Variants in FBXL20 observed in about 807,000 individuals in gnomAD.
FBXL20 encodes the protein F-box and leucine rich repeat protein 20.
Under a neutral mutation model 64.0 loss-of-function variants are expected in FBXL20, and 11 were observed. That is an observed-to-expected ratio of 0.17 (90% confidence interval 0.11 to 0.28). The LOEUF is 0.28. Among genes scored for constraint, FBXL20 ranks in the 10% least tolerant of loss-of-function variants. The pLI is 1.00. For synonymous variants in FBXL20, 184 were observed against 189.0 expected (o/e 0.97, Z 0.22); for missense variants, 303 against 526.2 (o/e 0.58, Z 4.15).
At chr17:39,314,173 T>C (rs915347368) in intron 2 of FBXL20, among the ~76,000 whole-genome samples, 5 of 152,168 alleles carry the variant, frequency 3.3e-5, no homozygotes, top group Non-Finnish European at 5.9e-5. Flanking sequence ...TTCATATAAA[T>C]GGAATAATAC....
upstream of FBXL20, chr17:39,401,838 G>A: frequency 2.1e-6 from 1 of 484,662 alleles, no homozygotes; most frequent in Non-Finnish European, 2.9e-6. Flanking sequence ...GCGGCGGCAC[G>A]ACCCCCTGCG....
chr17:39,265,408 G>C lies in FBXL20; in HGVS notation c.979C>G (p.Leu327Val). ...AAAGTTAAACTCACCAATACTTGAA[G>C]TCGAGGACAGTGTATAGAAAGTTGG... ...LIQLSIHCPR[L>V]QVLSLSHCEL... The change falls in exon 13 of 15, where the codon CTT (leucine) becomes GTT (valine). Residue 327 changes from leucine (L) to valine (V), a missense_variant. Coordinates refer to ENST00000264658, the MANE Select transcript of FBXL20 (RefSeq NM_032875.3). The C allele has an allele frequency of 6.2e-7, 1 of 1,610,688 alleles. No individual in the cohort carries two copies. Among genetic ancestry groups the C allele is most frequent in the Non-Finnish European group, 8.5e-7 (1 of 1,177,452 alleles).
intron 1 of FBXL20, among the ~76,000 whole-genome samples, chr17:39,345,560 T>A (rs1567890055): frequency 6.6e-6 from 1 of 151,952 alleles, no homozygotes; most frequent in East Asian, 1.9e-4. Flanking sequence ...ATTTTTTTTT[T>A]GAGAGAGTTT....
At chr17:39,346,230 T>TGG (rs556076842) in intron 1 of FBXL20, among the ~76,000 whole-genome samples, 1 of 146,360 alleles carries the variant, frequency 6.8e-6, no homozygotes, top group Admixed American at 6.8e-5. Context: ...AGCTATTTGG[T>TGG]GGGGGGGTGC....
chr17:39,394,278 CTTT>C lies in FBXL20; in HGVS notation c.42+7080_42+7082del, dbSNP rs529406292. 1.6e-4 allele frequency among the ~76,000 whole-genome samples: 21 copies of C among 134,294 alleles called. No individual in the cohort carries two copies. The East Asian group carries it at 3.0e-3, about 19-fold the overall frequency. 88.1% of individuals were successfully genotyped at this position (134,294 alleles called of 152,430 possible). ...CACAGTACTAGTTAGATTACTGAAA[CTTT>C]TTTTTTTTTTTTTTTGAGACAGAGT... On this transcript the variant is annotated intron_variant, in intron 1 of 14. Transcript: ENST00000264658.
intron 1 of FBXL20, among the ~76,000 whole-genome samples, chr17:39,380,324 C>A (rs557015277): frequency 6.6e-6 from 1 of 152,286 alleles, no homozygotes; most frequent in Admixed American, 6.5e-5. Flanking sequence ...TAACCACCAC[C>A]ACCACCCTGT....
At chr17:39,377,054 G>A (rs2047973914) in intron 1 of FBXL20, among the ~76,000 whole-genome samples, 1 of 152,036 alleles carries the variant, frequency 6.6e-6, no homozygotes, top group Non-Finnish European at 1.5e-5. Flanking sequence ...TCTTGCCTGG[G>A]GACTAGATTG....
chr17:39,347,536 T>G (rs950413952), intron 1 of FBXL20, among the ~76,000 whole-genome samples: 2 of 152,196 alleles, frequency 1.3e-5, no homozygotes, highest in African/African-American at 4.8e-5. Context: ...TTGATGGGGT[T>G]GTTTGATTTT....
intron 1 of FBXL20, among the ~76,000 whole-genome samples, chr17:39,385,466 A>T (rs2048069457): frequency 6.6e-6 from 1 of 152,224 alleles, no homozygotes; most frequent in Non-Finnish European, 1.5e-5. Context: ...CTAAAGCAAC[A>T]GTTTAACCTC....
At chr17:39,312,252 T>G (rs1162191535) in intron 2 of FBXL20, among the ~76,000 whole-genome samples, 5 of 151,602 alleles carry the variant, frequency 3.3e-5, no homozygotes, top group African/African-American at 9.7e-5. Flanking sequence ...CCATCTCTAC[T>G]AAACATACAA....
rs569838352 is a variant in FBXL20, at chr17:39,398,209, G to C, written c.42+3152C>G. Among the ~76,000 whole-genome samples the C allele has an allele frequency of 1.5e-3, 224 of 152,148 alleles. 1 individual carries two copies. The highest frequency in any genetic ancestry group is 5.3e-3 in the African/African-American group (219 of 41,498). On this transcript the variant is annotated intron_variant, in intron 1 of 14. Transcript: ENST00000264658. ...AGGCAGTAGAATCGCTTAAAACCTG[G>C]GAAGTGGTTGCAGTGAGCCGAGATC...
intron 2 of FBXL20, among the ~76,000 whole-genome samples, chr17:39,313,135 T>C (rs1380248997): frequency 3.3e-5 from 5 of 151,142 alleles, no homozygotes; most frequent in Non-Finnish European, 7.4e-5. Context: ...GTCAGGCTGG[T>C]TGCAAACTCC....
intron 2 of FBXL20, 120 bp from the exon 3 acceptor site, chr17:39,303,759 TCG>T: frequency 1.2e-6 from 1 of 828,458 alleles, no homozygotes; most frequent in Non-Finnish European, 1.8e-6. Flanking sequence ...TAATCACTGC[TCG>T]CCCCAGCCTT....
intron 7 of FBXL20, among the ~76,000 whole-genome samples, chr17:39,284,680 G>A (rs1020911700): frequency 6.6e-6 from 1 of 152,082 alleles, no homozygotes; most frequent in Non-Finnish European, 1.5e-5. Flanking sequence ...CATCACGCCT[G>A]GCCTCAGGGA....
intron 1 of FBXL20, among the ~76,000 whole-genome samples, chr17:39,372,665 T>C (rs1406476593): frequency 6.7e-6 from 1 of 150,034 alleles, no homozygotes; most frequent in Non-Finnish European, 1.5e-5. Context: ...GCCCAGGCTG[T>C]AGTGCAATGG....
chr17:39,304,923 A>T (rs1333381680), intron 2 of FBXL20, among the ~76,000 whole-genome samples: 1 of 151,808 alleles, frequency 6.6e-6, no homozygotes, highest in South Asian at 2.1e-4. Flanking sequence ...CGCCCGGGTA[A>T]TTTTTGTGTT....
intron 2 of FBXL20, among the ~76,000 whole-genome samples, chr17:39,316,236 A>G (rs1013490544): frequency 6.6e-6 from 1 of 152,198 alleles, no homozygotes; most frequent in Non-Finnish European, 1.5e-5. Flanking sequence ...TTATCAATAT[A>G]TACAGATATA....
chr17:39,340,428 C>T (rs1388256472), intron 2 of FBXL20, among the ~76,000 whole-genome samples: 2 of 152,022 alleles, frequency 1.3e-5, no homozygotes, highest in Non-Finnish European at 2.9e-5. Flanking sequence ...CGAGGTTTCA[C>T]CATGTTGGCC....
At chr17:39,289,115 T>C (rs892728946) in intron 6 of FBXL20, among the ~76,000 whole-genome samples, 3 of 152,166 alleles carry the variant, frequency 2.0e-5, no homozygotes, top group African/African-American at 7.2e-5. Context: ...CTGACTGATA[T>C]GTTTATGCTT....
Sources: allele counts gnomAD v4.1 joint callset (sites outside exome capture counted in the v4.1 genomes callset), GRCh38; gene constraint gnomAD v4.1.1; transcripts MANE v1.5; gene names NCBI Gene and HGNC (gene_info 2026-07-23, HGNC 2026-07-21).